Variants in SELENOI observed in about 807,000 individuals in gnomAD.
SELENOI encodes the protein selenoprotein I, also known as ethanolaminephosphotransferase 1.
In SELENOI, 24 loss-of-function variants were observed where a neutral mutation model predicts 50.7. That is an observed-to-expected ratio of 0.47 (90% CI 0.34 to 0.67). The LOEUF is 0.67. SELENOI is among the 30% of genes least tolerant of loss of function. The pLI, the probability that SELENOI is intolerant of heterozygous loss-of-function variation, is 0.01. For missense variants in SELENOI, 352 were observed against 461.4 expected, an observed-to-expected ratio of 0.76 and a Z score of 2.17; for synonymous variants, 155 against 170.2, an observed-to-expected ratio of 0.91 and a Z score of 0.70.
chr2:26,378,387 C>T (rs1006609865), intron 6 of SELENOI, among the ~76,000 whole-genome samples: 1 of 152,180 alleles, frequency 6.6e-6, no homozygotes, highest in Non-Finnish European at 1.5e-5. Context: ...TACTTTCTGC[C>T]TTCTCTTTCA....
At chr2:26,380,824 A>G (rs115741341) in intron 6 of SELENOI, among the ~76,000 whole-genome samples, 1 of 152,304 alleles carries the variant, frequency 6.6e-6, no homozygotes, top group African/African-American at 2.4e-5. Flanking sequence ...CCAATCTGAT[A>G]GGTAAGAAAT....
chr2:26,378,946 C>T (rs1380353037), intron 6 of SELENOI, among the ~76,000 whole-genome samples: 2 of 152,174 alleles, frequency 1.3e-5, no homozygotes, highest in East Asian at 3.8e-4. Flanking sequence ...TGCCGAGTAC[C>T]TATACATTGC....
rs746245514 is a variant in SELENOI, at chr2:26,367,226, GAA to G, written c.310+7_310+8del. The G allele has an allele frequency of 3.2e-5, 51 of 1,601,768 alleles. No individual in the cohort carries two copies. The highest frequency in any genetic ancestry group is 3.1e-4 in the East Asian group (14 of 44,674). The stretch of plus-strand genomic sequence containing the variant: ...CTTCGTAGCCTACACTCTAGGTAAG[GAA>G]TTGGTAAATACTTACTATAGTCAGT... On this transcript the variant is annotated splice_region_variant and intron_variant, in intron 4 of 9. Coordinates refer to ENST00000260585, the MANE Select transcript of SELENOI (RefSeq NM_033505.4).
chr2:26,379,515 T>C (rs993274232), intron 6 of SELENOI, among the ~76,000 whole-genome samples: 2 of 152,018 alleles, frequency 1.3e-5, no homozygotes, highest in Non-Finnish European at 2.9e-5. Context: ...TGGGGAACAG[T>C]GTTATTAGGT....
chr2:26,348,996 CTTTTTTTTTTTTTTT>C (rs869073468), intron 1 of SELENOI, among the ~76,000 whole-genome samples: 18 of 57,716 alleles, frequency 3.1e-4, no homozygotes, highest in East Asian at 2.6e-3. Context: ...TTTGGACAGG[CTTTTTTTTTTTTTTT>C]TTTTTTTTTT....
chr2:26,350,005 AG>A lies in SELENOI; in HGVS notation c.57+3718del, dbSNP rs201482986. ...GTGCCTATGGTCCTAGCTACTTGGG[AG>A]GCTGAAGTGGGAGGATCAGTTGAGT... On this transcript the variant is annotated intron_variant, in intron 1 of 9. Transcript: ENST00000260585. 7.1e-3 allele frequency among the ~76,000 whole-genome samples: 1,053 copies of A among 148,378 alleles called. 9 individuals are homozygous for A. Among genetic ancestry groups the A allele is most frequent in the Non-Finnish European group, 0.011 (722 of 67,308 alleles).
At chr2:26,388,862 C>T in intron 9 of SELENOI, 143 bp from the exon 10 acceptor site, 1 of 659,942 alleles carries the variant, frequency 1.5e-6, no homozygotes, top group Non-Finnish European at 2.6e-6. Context: ...CTATAGCTAT[C>T]CTAATCCAGA....
chr2:26,385,157 T>A lies in SELENOI; in HGVS notation c.912+18T>A. ...ACAGTACAGTAAGATTTTTTTCTTT[T>A]AAAAATCATAATATATATTAGGATT... On this transcript the variant is annotated intron_variant, in intron 8 of 9. Coordinates refer to ENST00000260585, the MANE Select transcript of SELENOI (RefSeq NM_033505.4). 7.2e-7 allele frequency: 1 copy of A among 1,380,266 alleles called. No individual in the cohort carries two copies. Among genetic ancestry groups the A allele is most frequent in the South Asian group, 1.6e-5 (1 of 63,558 alleles). 85.5% of individuals were successfully genotyped at this position (1,380,266 alleles called of 1,614,324 possible). A position where few individuals can be genotyped will look rare whatever the true frequency, so the allele number is the denominator to read the frequency against.
chr2:26,365,517 T>C (rs912116499), intron 3 of SELENOI, among the ~76,000 whole-genome samples: 1 of 152,188 alleles, frequency 6.6e-6, no homozygotes, highest in Non-Finnish European at 1.5e-5. Flanking sequence ...GGCCAAAGAA[T>C]TGGGATGACG....
chr2:26,357,335 T>A (rs186949578), intron 1 of SELENOI, among the ~76,000 whole-genome samples: 250 of 152,320 alleles, frequency 1.6e-3, no homozygotes, highest in Middle Eastern at 6.8e-3. Context: ...AATGTCGCCT[T>A]CTAGAAGCTG....
At chr2:26,373,861 G>C (rs1677509477) in intron 5 of SELENOI, among the ~76,000 whole-genome samples, 1 of 152,084 alleles carries the variant, frequency 6.6e-6, no homozygotes, top group African/African-American at 2.4e-5. Flanking sequence ...ACCCATTGCT[G>C]AGGCTGAGGC....
At chr2:26,375,198 A>G in intron 6 of SELENOI, 50 bp downstream of exon 6, 2 of 1,229,516 alleles carry the variant, frequency 1.6e-6, no homozygotes, top group Non-Finnish European at 2.3e-6. Context: ...TTGTTATCAA[A>G]AGAGCCGGTA....
Position 26,364,313 on chromosome 2 carries a change from G to A in SELENOI, c.69G>A (p.Val23=). 1 of 1,556,454 alleles carries A rather than the reference G, an allele frequency of 6.4e-7. No homozygotes were observed. The highest frequency in any genetic ancestry group is 1.2e-5 in the South Asian group (1 of 84,584). The stretch of plus-strand genomic sequence containing the variant: ...TCATTTCTTAACAGTACAGTGCTGT[G>A]GATACCAATCCACTTTCTCTGTATG... ...AGFDKYKYSA[V]DTNPLSLYVM... The change falls in exon 2 of 10, where the codon GTG becomes GTA. Residue 23 remains valine (V), a synonymous_variant. Transcript: ENST00000260585.
rs1224386020 is a variant in SELENOI at position 26,393,398 on chromosome 2, G to C, written c.*4295G>C. 2.0e-5 allele frequency: 3 copies of C among 152,556 alleles called. No individual in the cohort carries two copies. Among genetic ancestry groups the C allele is most frequent in the Admixed American group, 6.6e-5 (1 of 15,264 alleles). 9.5% of individuals were successfully genotyped at this position (152,556 alleles called of 1,614,324 possible). ...TAATCTATCTACTTTTTTTAAAGCAGGGATCTGCTCCCTATCTAGACAGAT... is the reference window on the plus strand; with the variant it reads ...TAATCTATCTACTTTTTTTAAAGCACGGATCTGCTCCCTATCTAGACAGAT... On this transcript the variant is annotated 3_prime_UTR_variant, in exon 10 of 10. Coordinates refer to ENST00000260585, the MANE Select transcript of SELENOI (RefSeq NM_033505.4).
At chr2:26,374,640 C>T (rs549945050) in intron 5 of SELENOI, among the ~76,000 whole-genome samples, 1 of 145,158 alleles carries the variant, frequency 6.9e-6, no homozygotes, top group South Asian at 2.2e-4. Context: ...GTGATCTCGG[C>T]TCACCGCAAC....
intron 6 of SELENOI, among the ~76,000 whole-genome samples, chr2:26,380,279 A>C (rs183339277): frequency 3.3e-4 from 50 of 152,226 alleles, no homozygotes; most frequent in African/African-American, 1.2e-3. Flanking sequence ...TTTATGGCTT[A>C]TCTTTTCATT....
At chr2:26,379,855 C>A (rs993326615) in intron 6 of SELENOI, among the ~76,000 whole-genome samples, 1 of 152,122 alleles carries the variant, frequency 6.6e-6, no homozygotes, top group Non-Finnish European at 1.5e-5. Context: ...ATGACAAAAT[C>A]CTTGGTTTTA....
At chr2:26,374,209 C>T (rs955889611) in intron 5 of SELENOI, among the ~76,000 whole-genome samples, 1 of 152,144 alleles carries the variant, frequency 6.6e-6, no homozygotes, top group Non-Finnish European at 1.5e-5. Flanking sequence ...TTCATTTGAA[C>T]TCTTGATTTT....
chr2:26,363,799 C>T (rs971986996), intron 1 of SELENOI, among the ~76,000 whole-genome samples: 1 of 152,156 alleles, frequency 6.6e-6, no homozygotes, highest in Admixed American at 6.5e-5. Context: ...CTCAGTCTTG[C>T]TTTGTCGCCC....
Sources: gnomAD v4.1 joint callset for allele counts (sites outside exome capture counted in the v4.1 genomes callset) on GRCh38, gnomAD v4.1.1 for gene constraint, MANE v1.5 for transcripts, NCBI Gene and HGNC (gene_info 2026-07-23, HGNC 2026-07-21) for gene names.